Variants in EPHA6 observed in about 807,000 individuals in gnomAD.
EPHA6 encodes the protein ephrin type-A receptor 6.
EPHA6 carries 50 observed loss-of-function variants against 112.0 expected under a neutral mutation model. The observed-to-expected ratio is 0.45, with a 90% CI of 0.36 to 0.56. EPHA6 has a LOEUF of 0.56. Ranked by LOEUF, EPHA6 falls within the 20% of genes least tolerant of loss-of-function variation. The pLI is 0.00. For synonymous variants in EPHA6, 529 were observed against 490.7 expected (o/e 1.08, Z -1.03); for missense variants, 1,280 against 1,417.4 (o/e 0.90, Z 1.56).
chr3:97,332,350 G>A (rs996207228), intron 5 of EPHA6, among the ~76,000 whole-genome samples: 1 of 151,910 alleles, frequency 6.6e-6, no homozygotes, highest in South Asian at 2.1e-4. Flanking sequence ...ACTGGCACAA[G>A]ACAGGGATGC....
Position 96,829,949 on chromosome 3 carries a change from G to GCGCACA in EPHA6, c.385+14942_385+14943insGCACAC, listed in dbSNP as rs373416797. 3.5e-3 allele frequency among the ~76,000 whole-genome samples: 473 copies of GCGCACA among 136,052 alleles called. 3 individuals are homozygous for GCGCACA. Among genetic ancestry groups the GCGCACA allele is most frequent in the South Asian group, 0.013 (54 of 4,290 alleles). 89.3% of individuals were successfully genotyped at this position (136,052 alleles called of 152,430 possible). On this transcript the variant is annotated intron_variant, in intron 1 of 17. Transcript: ENST00000389672. Reference sequence around the variant, plus strand: ...CATGCACGTGCATGTGCGCGCGCGCGCACACACACACACACACACACACAC... The same window carrying GCGCACA: ...CATGCACGTGCATGTGCGCGCGCGCGCGCACACACACACACACACACACACACACAC...
At chr3:97,462,402 A>C (rs896251864) in intron 7 of EPHA6, among the ~76,000 whole-genome samples, 3 of 152,152 alleles carry the variant, frequency 2.0e-5, no homozygotes, top group African/African-American at 7.2e-5. Context: ...GAAATAATTA[A>C]AAAGAAGAAG....
intron 14 of EPHA6, among the ~76,000 whole-genome samples, chr3:97,651,569 C>T (rs2107609110): frequency 6.6e-6 from 1 of 152,174 alleles, no homozygotes. Context: ...ATGCCAGTCA[C>T]AGTTCTCAAG....
intron 3 of EPHA6, among the ~76,000 whole-genome samples, chr3:97,175,268 A>T (rs971924971): frequency 6.6e-6 from 1 of 151,786 alleles, no homozygotes; most frequent in African/African-American, 2.4e-5. Context: ...TTCCATTTTC[A>T]TGCCAGTACC....
At chr3:97,743,895 T>G (rs2035607671) in intron 16 of EPHA6, among the ~76,000 whole-genome samples, 1 of 152,030 alleles carries the variant, frequency 6.6e-6, no homozygotes, top group Non-Finnish European at 1.5e-5. Context: ...TTCTTGCTTT[T>G]TAATGGTAGT....
At chr3:96,936,069 C>G (rs554134744) in intron 2 of EPHA6, among the ~76,000 whole-genome samples, 1 of 152,072 alleles carries the variant, frequency 6.6e-6, no homozygotes, top group Non-Finnish European at 1.5e-5. Context: ...CTGAAGAGAC[C>G]ACCTCACCAG....
At chr3:97,211,892 A>G (rs2077886674) in intron 3 of EPHA6, among the ~76,000 whole-genome samples, 1 of 152,222 alleles carries the variant, frequency 6.6e-6, no homozygotes, top group Non-Finnish European at 1.5e-5. Flanking sequence ...TAATTTTTGT[A>G]AGAATAACCA....
intron 1 of EPHA6, among the ~76,000 whole-genome samples, chr3:96,826,714 A>G (rs1408907923): frequency 7.2e-6 from 1 of 138,570 alleles, no homozygotes; most frequent in African/African-American, 2.5e-5. Flanking sequence ...TTATTTCCAA[A>G]TATTTTTCCC....
chr3:97,493,059 A>G (rs2091891912), intron 10 of EPHA6, among the ~76,000 whole-genome samples: 2 of 148,304 alleles, frequency 1.3e-5, no homozygotes, highest in African/African-American at 5.0e-5. Context: ...TAGTTTGTTG[A>G]CTTTTTAATG....
chr3:97,611,675 C>G (rs1291907356), intron 13 of EPHA6, among the ~76,000 whole-genome samples: 1 of 149,800 alleles, frequency 6.7e-6, no homozygotes, highest in Admixed American at 6.6e-5. Context: ...ATCTATCTGT[C>G]TATCTGTCTA....
chr3:96,974,344 A>T (rs1164449756), intron 2 of EPHA6, among the ~76,000 whole-genome samples: 5 of 150,196 alleles, frequency 3.3e-5, no homozygotes, highest in Non-Finnish European at 7.4e-5. Flanking sequence ...GAGAACTCTG[A>T]TATATAAGAA....
chr3:97,615,072 C>T (rs1396463890), intron 13 of EPHA6, among the ~76,000 whole-genome samples: 1 of 152,108 alleles, frequency 6.6e-6, no homozygotes. Flanking sequence ...AGTACTTGCA[C>T]TGGGACTGAT....
intron 3 of EPHA6, among the ~76,000 whole-genome samples, chr3:97,092,054 G>GT (rs1160431035): frequency 3.5e-5 from 5 of 144,328 alleles, no homozygotes; most frequent in African/African-American, 1.0e-4. Context: ...AAAATTTTGT[G>GT]TTTTTTTAAA....
chr3:97,645,992 G>A, intron 14 of EPHA6: 2 of 593,086 alleles, frequency 3.4e-6, no homozygotes, highest in Non-Finnish European at 5.2e-6. Context: ...GGCAGTTGTT[G>A]GGGAGAGGTT....
chr3:96,941,101 A>G (rs187632825), intron 2 of EPHA6, among the ~76,000 whole-genome samples: 1 of 152,178 alleles, frequency 6.6e-6, no homozygotes, highest in African/African-American at 2.4e-5. Context: ...CTCGAGGAGT[A>G]TCTTTGTGGC....
intron 2 of EPHA6, among the ~76,000 whole-genome samples, chr3:96,961,667 A>G (rs1186057753): frequency 6.6e-6 from 1 of 152,192 alleles, no homozygotes; most frequent in Non-Finnish European, 1.5e-5. Flanking sequence ...TCAGTTTACT[A>G]CAGGTAAGAA....
At chr3:97,690,794 TG>T (rs1165255079) in intron 14 of EPHA6, among the ~76,000 whole-genome samples, 1 of 152,198 alleles carries the variant, frequency 6.6e-6, no homozygotes, top group African/African-American at 2.4e-5. Flanking sequence ...TTGAGCTATT[TG>T]TCTTTTTATG....
intron 5 of EPHA6, among the ~76,000 whole-genome samples, chr3:97,334,640 C>T (rs1183437129): frequency 6.6e-6 from 1 of 151,790 alleles, no homozygotes; most frequent in Non-Finnish European, 1.5e-5. Context: ...TCACCATGCC[C>T]AGATAAAAGG....
intron 10 of EPHA6, 49 bp downstream of exon 10, chr3:97,484,108 G>T (rs1577540728): frequency 4.6e-6 from 7 of 1,537,986 alleles, no homozygotes; most frequent in Non-Finnish European, 6.1e-6. Flanking sequence ...TAATTTCTTT[G>T]TAACTGGTTT....
Sources: gnomAD v4.1 joint callset for allele counts (sites outside exome capture counted in the v4.1 genomes callset) on GRCh38, gnomAD v4.1.1 for gene constraint, MANE v1.5 for transcripts, NCBI Gene and HGNC (gene_info 2026-07-23, HGNC 2026-07-21) for gene names.